The following SOS2 variants were observed in gnomAD, a reference collection of about 807,000 sequenced individuals.
The protein encoded by SOS2 is son of sevenless homolog 2.
Under a neutral mutation model 148.2 loss-of-function variants are expected in SOS2, and 65 were observed. The ratio of observed to expected loss-of-function variants is 0.44; its 90% confidence interval spans 0.36 to 0.54. The LOEUF is 0.54. SOS2 is among the 20% of genes least tolerant of loss of function. SOS2 has a pLI of 0.00. For synonymous variants in SOS2, 539 were observed against 537.1 expected (o/e 1.00, Z -0.05); for missense variants, 1,341 against 1,590.2 (o/e 0.84, Z 2.67).
intron 8 of SOS2, among the ~76,000 whole-genome samples, chr14:50,168,895 A>C (rs1885265480): frequency 6.6e-6 from 1 of 152,216 alleles, no homozygotes; most frequent in Middle Eastern, 3.2e-3. Context: ...TTATTCTTGG[A>C]TTTAGTGTTT....
chr14:50,143,554 C>A (rs1566824943), intron 16 of SOS2, among the ~76,000 whole-genome samples: 1 of 152,118 alleles, frequency 6.6e-6, no homozygotes, highest in Non-Finnish European at 1.5e-5. Context: ...ACCCCTGCCT[C>A]AGCCTCCTGA....
At chr14:50,150,655 G>A (rs997399638) in intron 13 of SOS2, among the ~76,000 whole-genome samples, 8 of 151,408 alleles carry the variant, frequency 5.3e-5, no homozygotes, top group Non-Finnish European at 8.8e-5. Flanking sequence ...TCCATGTTGC[G>A]GGCTCAAGTG....
At chr14:50,224,691 C>G (rs1887311475) in intron 1 of SOS2, among the ~76,000 whole-genome samples, 2 of 148,702 alleles carry the variant, frequency 1.3e-5, no homozygotes, top group Admixed American at 1.4e-4. Flanking sequence ...TTGAGACCAG[C>G]CAGAGGACAT....
chr14:50,139,923 T>G lies in SOS2; in HGVS notation c.2785+19A>C. ...ATCACACGCTCACCCTCAAAATATA[T>G]CCATATTTAGTAACTTACCAAAAAA... On this transcript the variant is annotated intron_variant, in intron 17 of 22. Coordinates refer to ENST00000216373, the MANE Select transcript of SOS2 (RefSeq NM_006939.4). The G allele has an allele frequency of 2.5e-6, 3 of 1,202,356 alleles. No individual in the cohort carries two copies. In the South Asian group the frequency reaches 3.7e-5, roughly 15 times the overall value. 74.5% of individuals were successfully genotyped at this position (1,202,356 alleles called of 1,614,324 possible). A position where few individuals can be genotyped will look rare whatever the true frequency, so the allele number is the denominator to read the frequency against.
chr14:50,126,940 T>TTC (rs1227382033), intron 21 of SOS2, among the ~76,000 whole-genome samples: 7 of 151,866 alleles, frequency 4.6e-5, no homozygotes, highest in Admixed American at 2.0e-4. Flanking sequence ...ATCAATGCAG[T>TTC]TCATTGTGAA....
intron 1 of SOS2, among the ~76,000 whole-genome samples, chr14:50,226,530 A>G (rs973154136): frequency 6.6e-6 from 1 of 152,218 alleles, no homozygotes; most frequent in African/African-American, 2.4e-5. Flanking sequence ...TCCTTGCCGT[A>G]GACTGCTATT....
intron 1 of SOS2, among the ~76,000 whole-genome samples, chr14:50,212,292 G>A (rs1198898014): frequency 5.9e-5 from 9 of 152,136 alleles, no homozygotes; most frequent in African/African-American, 1.7e-4. Flanking sequence ...TGGCCAACAC[G>A]GTGAAACCCC....
chr14:50,229,699 C>T (rs1230080195), intron 1 of SOS2, among the ~76,000 whole-genome samples: 1 of 152,138 alleles, frequency 6.6e-6, no homozygotes, highest in Non-Finnish European at 1.5e-5. Context: ...TTATTAGAAT[C>T]AAAGCTACCT....
In SOS2 at chr14:50,201,022, A is replaced by G. The variant is rs1356641781; in HGVS notation, c.276T>C (p.Ser92=). 2 of 1,613,950 alleles carry G rather than the reference A, an allele frequency of 1.2e-6. No individual in the cohort carries two copies. Among genetic ancestry groups the G allele is most frequent in the East Asian group, 4.5e-5 (2 of 44,872 alleles). The change falls in exon 3 of 23, where the codon TCT becomes TCC. Residue 92 remains serine (S), a synonymous_variant. Transcript: ENST00000216373. ...IDKWAIADAQ[S]AIEKRKRRNP... is the part of the protein sequence containing the mutation. ...TTCTTCGTTTTCGTTTTTCTATAGC[A>G]GATTGTGCATCAGCAATGGCCCATT...
intron 10 of SOS2, among the ~76,000 whole-genome samples, chr14:50,159,000 C>T (rs548457527): frequency 1.3e-5 from 2 of 151,888 alleles, no homozygotes; most frequent in South Asian, 2.1e-4. Context: ...CTGGCTAACA[C>T]GGTGAAACCC....
intron 21 of SOS2, among the ~76,000 whole-genome samples, chr14:50,122,830 C>T (rs573237097): frequency 8.5e-5 from 13 of 152,300 alleles, no homozygotes; most frequent in Admixed American, 3.9e-4. Flanking sequence ...ATTTACTAAA[C>T]AATTTCTGTA....
At chr14:50,191,562 A>G (rs1400344756) in intron 4 of SOS2, among the ~76,000 whole-genome samples, 1 of 152,114 alleles carries the variant, frequency 6.6e-6, no homozygotes, top group Non-Finnish European at 1.5e-5. Context: ...GGCCTCCTCT[A>G]TGACTTACCT....
At chr14:50,171,358 A>C (rs928209794) in intron 8 of SOS2, among the ~76,000 whole-genome samples, 4 of 151,996 alleles carry the variant, frequency 2.6e-5, no homozygotes, top group Non-Finnish European at 5.9e-5. Flanking sequence ...ACATTCACAG[A>C]AGCATTATTT....
intron 1 of SOS2, among the ~76,000 whole-genome samples, chr14:50,227,226 T>A (rs1887404046): frequency 6.9e-6 from 1 of 144,530 alleles, no homozygotes; most frequent in Non-Finnish European, 1.5e-5. Context: ...TATCTCTGTG[T>A]TTCTTTTTCT....
chr14:50,186,819 A>C (rs1381111885), intron 5 of SOS2, among the ~76,000 whole-genome samples: 1 of 152,190 alleles, frequency 6.6e-6, no homozygotes, highest in Non-Finnish European at 1.5e-5. Flanking sequence ...TATCCAAAAG[A>C]AAAAAAGTAA....
chr14:50,176,848 A>G (rs1885537498), intron 7 of SOS2, among the ~76,000 whole-genome samples: 1 of 152,120 alleles, frequency 6.6e-6, no homozygotes, highest in African/African-American at 2.4e-5. Flanking sequence ...CATCTCTACT[A>G]AAAATACAAA....
At chr14:50,140,129 A>T (rs1884221194) in intron 16 of SOS2, 70 bp from the exon 17 acceptor site, 1 of 771,244 alleles carries the variant, frequency 1.3e-6, no homozygotes, top group Non-Finnish European at 2.1e-6. Flanking sequence ...CAAACCTTTA[A>T]ATTTTATAAA....
At chr14:50,144,413 C>T (rs1052414960) in intron 16 of SOS2, among the ~76,000 whole-genome samples, 1 of 151,780 alleles carries the variant, frequency 6.6e-6, no homozygotes, top group Non-Finnish European at 1.5e-5. Flanking sequence ...ATGTTAAACA[C>T]ATATTTTATA....
At chr14:50,138,990 G>A (rs1436691987) in intron 17 of SOS2, among the ~76,000 whole-genome samples, 1 of 151,984 alleles carries the variant, frequency 6.6e-6, no homozygotes, top group East Asian at 1.9e-4. Flanking sequence ...AAAATAAAAA[G>A]AAAATAAAAG....
Sources: allele counts gnomAD v4.1 joint callset (sites outside exome capture counted in the v4.1 genomes callset), GRCh38; gene constraint gnomAD v4.1.1; transcripts MANE v1.5; gene names NCBI Gene and HGNC (gene_info 2026-07-23, HGNC 2026-07-21).